The following SMARCA4 variants were observed in gnomAD, a reference collection of about 807,000 sequenced individuals.
The protein encoded by SMARCA4 is SWI/SNF-related matrix-associated actin-dependent regulator of chromatin subfamily A member 4.
Under a neutral mutation model 193.9 loss-of-function variants are expected in SMARCA4, and 31 were observed. The observed-to-expected ratio is 0.16, with a 90% CI of 0.12 to 0.22. SMARCA4 has a LOEUF of 0.22. Among genes scored for constraint, SMARCA4 ranks in the 10% least tolerant of loss-of-function variants. The probability of loss-of-function intolerance (pLI) is 1.00; values close to 1 mark genes in which losing one functional copy is unlikely to be tolerated. For missense variants in SMARCA4, 1,148 were observed against 2,296.0 expected (o/e 0.50, Z 10.22); for synonymous variants, 942 against 933.1 (o/e 1.01, Z -0.17).
intron 30 of SMARCA4, among the ~76,000 whole-genome samples, chr19:11,054,253 C>T (rs937680177): frequency 2.8e-4 from 43 of 152,246 alleles, no homozygotes; most frequent in African/African-American, 1.0e-3. Flanking sequence ...CACTTGCTTC[C>T]TGGTGTCCAA....
At chr19:11,032,271 G>A (rs918765029) in intron 25 of SMARCA4, 1 of 152,448 alleles carries the variant, frequency 6.6e-6, no homozygotes, top group South Asian at 2.1e-4. Context: ...CCAGTCTTAA[G>A]TTTCAGAGCA....
chr19:11,028,625 C>T (rs978946386), intron 24 of SMARCA4, among the ~76,000 whole-genome samples: 2 of 152,232 alleles, frequency 1.3e-5, no homozygotes, highest in African/African-American at 4.8e-5. Flanking sequence ...GGCTCTCAGC[C>T]CAACCCCCTG....
chr19:11,061,445 G>T (rs553253774), intron 34 of SMARCA4, among the ~76,000 whole-genome samples: 2 of 151,700 alleles, frequency 1.3e-5, no homozygotes, highest in East Asian at 1.9e-4. Context: ...GCGCCATCTC[G>T]GCTCACTGCA....
chr19:11,005,219 G>A (rs940995447), intron 13 of SMARCA4, among the ~76,000 whole-genome samples: 3 of 152,216 alleles, frequency 2.0e-5, no homozygotes, highest in Non-Finnish European at 4.4e-5. Flanking sequence ...AACTCTGGGA[G>A]GTTGTGGTGG....
intron 30 of SMARCA4, among the ~76,000 whole-genome samples, chr19:11,049,266 C>T (rs2076120174): frequency 6.6e-6 from 1 of 152,132 alleles, no homozygotes; most frequent in Non-Finnish European, 1.5e-5. Flanking sequence ...GGGCCACACA[C>T]CTGCCCTTAG....
At chr19:11,023,431 C>T (rs1464606782) in intron 19 of SMARCA4, 87 bp from the exon 20 acceptor site, 1 of 857,984 alleles carries the variant, frequency 1.2e-6, no homozygotes, top group African/African-American at 1.7e-5. Context: ...CCCGTCCACC[C>T]TGTCCCCACA....
At chr19:11,035,798 C>A (rs1402826757) in intron 29 of SMARCA4, among the ~76,000 whole-genome samples, 1 of 152,266 alleles carries the variant, frequency 6.6e-6, no homozygotes, top group South Asian at 2.1e-4. Flanking sequence ...GCCCAAGGCA[C>A]ACTGTGACAG....
chr19:11,027,662 T>C (rs2090359359), intron 23 of SMARCA4, 122 bp from the exon 24 acceptor site: 6 of 1,029,406 alleles, frequency 5.8e-6, no homozygotes, highest in African/African-American at 1.6e-5. Flanking sequence ...TTAGGATGCA[T>C]GTCTGTGCCC....
chr19:11,060,592 C>G lies in SMARCA4; in HGVS notation c.4911+405C>G, dbSNP rs563757822. ...TCTCCTCAGTGGCATAGAGAATGGG[C>G]AGAAACGCCAAGACCACAGTGGATA... On this transcript the variant is annotated intron_variant, in intron 34 of 34. Coordinates refer to ENST00000344626, the MANE Select transcript of SMARCA4 (RefSeq NM_003072.5). 20 of 294,234 alleles carry G rather than the reference C, an allele frequency of 6.8e-5. No homozygotes were observed. In the South Asian group the frequency reaches 7.8e-4, roughly 12 times the overall value. The allele number at this position is 294,234 out of a possible 1,614,324, so 18.2% of individuals were successfully genotyped here.
chr19:10,995,103 C>A, intron 9 of SMARCA4, 102 bp downstream of exon 9: 1 of 1,136,852 alleles, frequency 8.8e-7, no homozygotes, highest in Non-Finnish European at 1.3e-6. Context: ...TTTCACAGCT[C>A]GGAGTTAGAG....
chr19:10,969,317 T>C (rs1345472247), intron 1 of SMARCA4, among the ~76,000 whole-genome samples: 3 of 152,204 alleles, frequency 2.0e-5, no homozygotes, highest in Middle Eastern at 3.2e-3. Context: ...TGATGTTATC[T>C]CCCAGGCTGG....
At chr19:11,024,034 G>A (rs752422061) in intron 20 of SMARCA4, among the ~76,000 whole-genome samples, 2 of 152,296 alleles carry the variant, frequency 1.3e-5, no homozygotes, top group African/African-American at 2.4e-5. Flanking sequence ...CGGGGTCCCC[G>A]GCTGCAGTTG....
chr19:11,051,363 C>T (rs947648618), intron 30 of SMARCA4, among the ~76,000 whole-genome samples: 3 of 152,172 alleles, frequency 2.0e-5, no homozygotes, highest in African/African-American at 4.8e-5. Context: ...CTGGGGGAGC[C>T]GCTCGTGCCT....
chr19:10,996,371 GAAA>G lies in SMARCA4; in HGVS notation c.1755_1757del (p.Lys588del), dbSNP rs1555763780. The stretch of plus-strand genomic sequence containing the variant: ...TCGCCAAGGAGAAAAAGAAGAAAAA[GAAA>G]AAGAAGGTGTGCTGGGCCTGGCATG... On this transcript the variant is annotated inframe_deletion, in exon 10 of 35. Transcript: ENST00000344626. 1 of 1,614,210 alleles carries G rather than the reference GAAA, an allele frequency of 6.2e-7. No homozygotes were observed. The highest frequency in any genetic ancestry group is 2.2e-5 in the East Asian group (1 of 44,886).
rs372704442 is a variant in SMARCA4, at chr19:10,989,456, A to G, written c.1245+13A>G. 13 of 1,613,720 alleles carry G rather than the reference A, an allele frequency of 8.1e-6. No individual in the cohort carries two copies. Among genetic ancestry groups the G allele is most frequent in the African/African-American group, 1.3e-5 (1 of 74,942 alleles). ...CTTCCAGAGGCAGGTGGGTGCTGGC[A>G]TGGCCGCAGCTTTCCGAAAAGGGCC... On this transcript the variant is annotated intron_variant, in intron 7 of 34. Transcript: ENST00000344626.
chr19:11,060,395 C>T (rs1217441858), intron 34 of SMARCA4: 6 of 653,856 alleles, frequency 9.2e-6, no homozygotes, highest in African/African-American at 1.8e-5. Context: ...GACCCCGGAA[C>T]CAGCTCTCAG....
chr19:10,962,228 G>A (rs920933540), intron 1 of SMARCA4, among the ~76,000 whole-genome samples: 26 of 152,118 alleles, frequency 1.7e-4, no homozygotes, highest in African/African-American at 6.3e-4. Flanking sequence ...AAATGGAATT[G>A]GTGAAAGCCT....
chr19:10,986,932 C>T lies in SMARCA4; in HGVS notation c.788C>T (p.Pro263Leu), dbSNP rs1489647083. The change falls in exon 5 of 35, where the codon CCA (proline) becomes CTA (leucine). Residue 263 changes from proline (P) to leucine (L), a missense_variant. Around this residue, in one of 17 missense-constraint regions of SMARCA4, gnomAD observed 257 missense variants for 276.5 expected, o/e 0.93. Coordinates refer to ENST00000344626, the MANE Select transcript of SMARCA4 (RefSeq NM_003072.5). The surrounding 1 kb of genome is among the most constrained non-coding windows in gnomAD (Gnocchi z 6.7). Reference sequence around the variant, plus strand: ...ATGGGAGGGCCCAACATGCCTCCCCCAGGACCCTCGGGCGTGCCCCCCGGG... The same window carrying T: ...ATGGGAGGGCCCAACATGCCTCCCCTAGGACCCTCGGGCGTGCCCCCCGGG... ...HGMGGPNMPP[P>L]GPSGVPPGMP... 1.2e-6 allele frequency: 2 copies of T among 1,612,626 alleles called. No homozygotes were observed. Among genetic ancestry groups the T allele is most frequent in the African/African-American group, 1.3e-5 (1 of 75,052 alleles).
At chr19:10,990,495 C>G (rs930213329) in intron 7 of SMARCA4, among the ~76,000 whole-genome samples, 1 of 152,162 alleles carries the variant, frequency 6.6e-6, no homozygotes, top group Non-Finnish European at 1.5e-5. Flanking sequence ...CCAGGCTGGT[C>G]TTAAACTCCT....
Sources: allele counts gnomAD v4.1 joint callset (sites outside exome capture counted in the v4.1 genomes callset), GRCh38; gene constraint gnomAD v4.1.1; regional missense constraint gnomAD v4.1.1; non-coding constraint Gnocchi (gnomAD v3.1); transcripts MANE v1.5; gene names NCBI Gene and HGNC (gene_info 2026-07-23, HGNC 2026-07-21).